The following RAB40B variants were observed in gnomAD, a reference collection of about 807,000 sequenced individuals.
The protein encoded by RAB40B is ras-related protein Rab-40B.
A neutral mutation model predicts 24.0 loss-of-function variants in RAB40B; 21 were observed. The ratio of observed to expected loss-of-function variants is 0.88; its 90% CI spans 0.62 to 1.26. RAB40B has a LOEUF of 1.26. Among genes scored for constraint, RAB40B ranks in the 50% most tolerant of loss-of-function variants. RAB40B has a pLI of 0.00. For synonymous variants in RAB40B, 167 were observed against 169.8 expected, an observed-to-expected ratio of 0.98 and a Z score of 0.13; for missense variants, 348 against 390.5, an observed-to-expected ratio of 0.89 and a Z score of 0.92.
intron 1 of RAB40B, chr17:82,664,804 CA>C (rs1016897088): frequency 4.4e-6 from 2 of 451,400 alleles, no homozygotes; most frequent in Admixed American, 3.9e-5. Flanking sequence ...CACCCTGGCC[CA>C]GGGGGCTCCC....
chr17:82,686,205 G>A (rs1453780503), intron 1 of RAB40B, among the ~76,000 whole-genome samples: 1 of 151,424 alleles, frequency 6.6e-6, no homozygotes. Flanking sequence ...TCCGCTTCCG[G>A]GGTTCAAGTG....
chr17:82,691,730 A>G (rs1003886533), intron 1 of RAB40B, among the ~76,000 whole-genome samples: 2 of 152,176 alleles, frequency 1.3e-5, no homozygotes, highest in Non-Finnish European at 2.9e-5. Context: ...CTCAGCACTC[A>G]GAGAAGGGAC....
rs572438585 is a variant in RAB40B at position 82,692,583 on chromosome 17, G to C, written c.142+5872C>G. On this transcript the variant is annotated intron_variant, in intron 1 of 5. Transcript: ENST00000571995. This position sits in a 1 kb window ranked among gnomAD's most constrained non-coding sequence, Gnocchi z 4.0. ...TCAGCTGGGACAACGGTGGCCGTGC[G>C]ATGCGGGGTGGGGGTGGGGGGCATC... is the stretch of plus-strand genomic sequence containing the variant. 6.6e-6 allele frequency among the ~76,000 whole-genome samples: 1 copy of C among 151,904 alleles called. No individual in the cohort carries two copies. Among genetic ancestry groups the C allele is most frequent in the Non-Finnish European group, 1.5e-5 (1 of 67,958 alleles).
At chr17:82,658,251 G>C in intron 5 of RAB40B, 117 bp from the exon 6 acceptor site, 1 of 1,384,340 alleles carries the variant, frequency 7.2e-7, no homozygotes. Flanking sequence ...CGTGGCCCTG[G>C]CTTGTACATG....
intron 1 of RAB40B, among the ~76,000 whole-genome samples, chr17:82,686,882 C>T (rs1443218417): frequency 6.6e-6 from 1 of 151,722 alleles, no homozygotes; most frequent in South Asian, 2.1e-4. Flanking sequence ...ATGCTCAGAG[C>T]TCAGGGGCAT....
At chr17:82,665,178 G>A (rs2046239371) in intron 1 of RAB40B, among the ~76,000 whole-genome samples, 1 of 152,010 alleles carries the variant, frequency 6.6e-6, no homozygotes, top group South Asian at 2.1e-4. Flanking sequence ...CAGGTAGGCT[G>A]GAACCTTCTT....
At chr17:82,681,679 A>G (rs531543263) in intron 1 of RAB40B, among the ~76,000 whole-genome samples, 5 of 152,348 alleles carry the variant, frequency 3.3e-5, no homozygotes, top group Non-Finnish European at 4.4e-5. Flanking sequence ...AATAAAAAAT[A>G]TACCAAATTC....
intron 1 of RAB40B, among the ~76,000 whole-genome samples, chr17:82,684,912 G>A (rs994816460): frequency 7.2e-5 from 11 of 151,918 alleles, no homozygotes; most frequent in Admixed American, 2.0e-4. Flanking sequence ...TCAGGAGTTC[G>A]AGACCAGCCT....
intron 5 of RAB40B, 107 bp downstream of exon 5, chr17:82,658,384 G>A: frequency 7.7e-7 from 1 of 1,302,110 alleles, no homozygotes; most frequent in South Asian, 1.3e-5. Flanking sequence ...AACGGACACA[G>A]TGGCCTTGAG....
intron 1 of RAB40B, among the ~76,000 whole-genome samples, chr17:82,670,780 G>A (rs1040194057): frequency 1.3e-5 from 2 of 151,942 alleles, no homozygotes; most frequent in Non-Finnish European, 1.5e-5. Context: ...TAATCTGCAC[G>A]CCTTGGCCTC....
chr17:82,671,188 C>T (rs879879575), intron 1 of RAB40B, among the ~76,000 whole-genome samples: 4 of 128,682 alleles, frequency 3.1e-5, no homozygotes, highest in Admixed American at 7.9e-5. Flanking sequence ...ACTGACACAC[C>T]CCACCCCCGT....
intron 1 of RAB40B, among the ~76,000 whole-genome samples, chr17:82,678,252 G>A (rs1218261493): frequency 1.3e-5 from 2 of 152,152 alleles, no homozygotes; most frequent in Non-Finnish European, 2.9e-5. Context: ...AGCAGTGTTA[G>A]CGTTAGGATA....
At chr17:82,691,557 C>CTG (rs1003938823) in intron 1 of RAB40B, among the ~76,000 whole-genome samples, 45 of 152,288 alleles carry the variant, frequency 3.0e-4, no homozygotes, top group African/African-American at 9.4e-4. Flanking sequence ...CATGGTACAC[C>CTG]TGTAATCCCA....
rs2046102955 is a variant in RAB40B at position 82,657,856 on chromosome 17, GCCTT to G, written c.*3_*6del. 4 of 1,529,830 alleles carry G rather than the reference GCCTT, an allele frequency of 2.6e-6. No individual in the cohort carries two copies. Among genetic ancestry groups the G allele is most frequent in the Non-Finnish European group, 3.5e-6 (4 of 1,130,954 alleles). The allele number at this position is 1,529,830 out of a possible 1,614,324, so 94.8% of individuals were successfully genotyped here. On this transcript the variant is annotated 3_prime_UTR_variant, in exon 6 of 6. Transcript: ENST00000571995. The stretch of plus-strand genomic sequence containing the variant: ...GAGATTCCGCCGTGTTTCTTTCAGT[GCCTT>G]CCTTAAGAAATTTTGCAGCTGTTTC...
intron 1 of RAB40B, among the ~76,000 whole-genome samples, chr17:82,666,056 GCACCTGCCACCGCACCTGCCACCA>G (rs1261896603): frequency 3.4e-4 from 51 of 149,954 alleles, no homozygotes; most frequent in African/African-American, 6.1e-4. Context: ...ACCTGCCACC[GCACCTGCCACCGCACCTGCCACCA>G]CACCTGCCAC....
At chr17:82,682,166 C>T (rs186524879) in intron 1 of RAB40B, among the ~76,000 whole-genome samples, 1 of 151,760 alleles carries the variant, frequency 6.6e-6, no homozygotes, top group Non-Finnish European at 1.5e-5. Flanking sequence ...CACACATACA[C>T]CTCTCCAAAA....
rs369141216 is a variant in RAB40B at position 82,660,977 on chromosome 17, G to A, written c.264+10C>T. On this transcript the variant is annotated intron_variant, in intron 3 of 5. Transcript: ENST00000571995. Reference sequence around the variant, plus strand: ...GGTTTGATCTCCCAGCTCGGGGGATGCTGTGTTACCTGTGCGCCCCGGGAG... The same window carrying A: ...GGTTTGATCTCCCAGCTCGGGGGATACTGTGTTACCTGTGCGCCCCGGGAG... 53 of 1,613,196 alleles carry A rather than the reference G, an allele frequency of 3.3e-5. No homozygotes were observed. The highest frequency in any genetic ancestry group is 8.3e-5 in the Admixed American group (5 of 59,932).
At chr17:82,664,750 C>T (rs1598298367) in intron 1 of RAB40B, 194 bp from the exon 2 acceptor site, 1 of 568,962 alleles carries the variant, frequency 1.8e-6, no homozygotes, top group East Asian at 3.0e-5. Flanking sequence ...CCGGGCCCCT[C>T]CTGTCCTCAG....
At chr17:82,681,087 G>A (rs1308676252) in intron 1 of RAB40B, among the ~76,000 whole-genome samples, 1 of 141,936 alleles carries the variant, frequency 7.0e-6, no homozygotes, top group Non-Finnish European at 1.5e-5. Context: ...GAGAAAATTA[G>A]CTAAAAATGA....
Sources: allele counts gnomAD v4.1 joint callset (sites outside exome capture counted in the v4.1 genomes callset), GRCh38; gene constraint gnomAD v4.1.1; non-coding constraint Gnocchi (gnomAD v3.1); transcripts MANE v1.5; gene names NCBI Gene and HGNC (gene_info 2026-07-23, HGNC 2026-07-21).